The following ALG3 variants were observed in gnomAD, a reference collection of about 807,000 sequenced individuals.
ALG3 encodes the protein ALG3 alpha-1,3- mannosyltransferase, also known as dol-P-Man:Man(5)GlcNAc(2)-PP-Dol alpha-1,3-mannosyltransferase.
A neutral mutation model predicts 50.5 loss-of-function variants in ALG3; 39 were observed. The ratio of observed to expected loss-of-function variants is 0.77; its 90% CI spans 0.60 to 1.01. The LOEUF (loss-of-function observed/expected upper bound fraction) is 1.01, where lower values mean the gene tolerates loss of function less well. ALG3 is among the 50% of genes least tolerant of loss of function. The pLI is 0.00. For synonymous variants in ALG3, 252 were observed against 237.2 expected (o/e 1.06, Z -0.58); for missense variants, 520 against 554.8 (o/e 0.94, Z 0.63).
At chr3:184,243,766 C>G (rs1206843742) in intron 6 of ALG3, 25 bp downstream of exon 6, 1 of 1,605,060 alleles carries the variant, frequency 6.2e-7, no homozygotes, top group Non-Finnish European at 8.5e-7. Flanking sequence ...CCAACTCTGC[C>G]CATGGCACTA....
chr3:184,249,217 C>T (rs76371354), upstream of ALG3: 858 of 1,612,358 alleles, frequency 5.3e-4, 5 homozygotes, highest in East Asian at 0.012. Flanking sequence ...AAGCAACATT[C>T]CTGCCTACCT....
intron 1 of ALG3, among the ~76,000 whole-genome samples, chr3:184,247,321 C>T (rs1380304064): frequency 5.5e-5 from 8 of 145,898 alleles, no homozygotes; most frequent in African/African-American, 1.0e-4. Context: ...TTTTTTGACA[C>T]GGAGCTTGCT....
At chr3:184,249,329 C>CT, upstream of ALG3, 1 of 1,570,084 alleles carries the variant, frequency 6.4e-7, no homozygotes, top group Non-Finnish European at 8.7e-7. Context: ...CGCGCCCCTC[C>CT]TGCCTGCCCT....
At chr3:184,242,732 C>A (rs1718881158) in intron 8 of ALG3, 56 bp from the exon 9 acceptor site, 1 of 1,584,244 alleles carries the variant, frequency 6.3e-7, no homozygotes, top group Admixed American at 1.7e-5. Flanking sequence ...TGCAGACCTG[C>A]AGCTCCTCAT....
chr3:184,244,504 T>C (rs1719019082), intron 5 of ALG3, 97 bp downstream of exon 5: 2 of 1,451,174 alleles, frequency 1.4e-6, no homozygotes, highest in Admixed American at 2.2e-5. Context: ...TCCAAAACCC[T>C]GTCTCTTGGC....
At chr3:184,246,314 C>T (rs937253465) in intron 1 of ALG3, among the ~76,000 whole-genome samples, 2 of 152,204 alleles carry the variant, frequency 1.3e-5, no homozygotes, top group African/African-American at 2.4e-5. Context: ...CCACCTCGTA[C>T]ACCAAAGAGC....
upstream of ALG3, chr3:184,248,982 A>T (rs1287381635): frequency 1.9e-6 from 3 of 1,547,282 alleles, no homozygotes; most frequent in East Asian, 4.8e-5. Flanking sequence ...ACCCCCGGAA[A>T]CCCGAACCTT....
intron 6 of ALG3, 34 bp downstream of exon 6, chr3:184,243,757 C>T (rs752961667): frequency 1.9e-6 from 3 of 1,599,906 alleles, no homozygotes; most frequent in African/African-American, 1.3e-5. Flanking sequence ...CTCCTTCCCC[C>T]AACTCTGCCC....
chr3:184,245,029 T>C, intron 4 of ALG3, 169 bp downstream of exon 4: 1 of 910,056 alleles, frequency 1.1e-6, no homozygotes, highest in Non-Finnish European at 1.7e-6. Flanking sequence ...CATGTGTGTA[T>C]GTTGGGGGAT....
At chr3:184,249,301 G>A (rs190837241), upstream of ALG3, 3,177 of 1,605,894 alleles carry the variant, frequency 2.0e-3, 11 homozygotes, top group Non-Finnish European at 1.9e-3. Flanking sequence ...GTCTCTCCAG[G>A]AGGGCAAAGC....
chr3:184,244,465 C>T (rs1404642383), intron 5 of ALG3, 136 bp downstream of exon 5: 17 of 1,075,996 alleles, frequency 1.6e-5, no homozygotes, highest in Non-Finnish European at 2.1e-5. Flanking sequence ...TACAGCCTAG[C>T]GATAGTGGCT....
chr3:184,243,255 A>C, intron 7 of ALG3: 1 of 567,366 alleles, frequency 1.8e-6, no homozygotes, highest in Non-Finnish European at 3.1e-6. Context: ...AAATGAGAAT[A>C]GTAAATGTAA....
chr3:184,249,260 C>T (rs768711978), upstream of ALG3: 8 of 1,612,310 alleles, frequency 5.0e-6, no homozygotes, highest in Non-Finnish European at 1.7e-6. Flanking sequence ...CATTCTCCTT[C>T]GCCTGCGCTG....
At chr3:184,249,232 C>T (rs373046727), upstream of ALG3, 1 of 1,612,878 alleles carries the variant, frequency 6.2e-7, no homozygotes, top group Non-Finnish European at 8.5e-7. Context: ...CTACCTCCCC[C>T]ACAACCGCTG....
chr3:184,249,371 C>G (rs1719399956), upstream of ALG3: 2 of 1,333,440 alleles, frequency 1.5e-6, no homozygotes, highest in Non-Finnish European at 2.1e-6. Flanking sequence ...AAAAATGAAC[C>G]TTTCACTAAT....
At chr3:184,246,376 T>C (rs1719152241) in intron 1 of ALG3, among the ~76,000 whole-genome samples, 1 of 152,196 alleles carries the variant, frequency 6.6e-6, no homozygotes, top group Non-Finnish European at 1.5e-5. Context: ...CTCTCAATGA[T>C]TCCCCAAGAC....
chr3:184,249,422 G>C (rs1719401962), upstream of ALG3: 2 of 994,052 alleles, frequency 2.0e-6, no homozygotes. Context: ...TTGAAAATAT[G>C]AGAGGACGCA....
upstream of ALG3, chr3:184,248,966 C>A: frequency 6.4e-7 from 1 of 1,553,324 alleles, no homozygotes; most frequent in Non-Finnish European, 8.7e-7. Context: ...CTTGTGTGGG[C>A]CCACCACCCC....
At position 184,243,994 on chromosome 3, in the gene ALG3, C is replaced by G; in HGVS notation, c.729G>C (p.Val243=). The G allele has an allele frequency of 6.2e-7, 1 of 1,612,632 alleles. No homozygotes were observed. Residue 243 remains valine, a splice_region_variant and synonymous_variant, in exon 6 of 9, where the codon GTG becomes GTC. Coordinates refer to ENST00000397676, the MANE Select transcript of ALG3 (RefSeq NM_005787.6). ...PKLGICAGLQ[V]VLGLPFLLEN... ...CCAGCAGGAAGGGCAGCCCCAGCACCACCTGAGGATTGGTGTGATGTCAGC... is the reference window on the plus strand; with the variant it reads ...CCAGCAGGAAGGGCAGCCCCAGCACGACCTGAGGATTGGTGTGATGTCAGC...
Sources: allele counts gnomAD v4.1 joint callset (sites outside exome capture counted in the v4.1 genomes callset), GRCh38; gene constraint gnomAD v4.1.1; transcripts MANE v1.5; gene names NCBI Gene and HGNC (gene_info 2026-07-23, HGNC 2026-07-21).